Variants in CCSER1 observed in about 807,000 individuals in gnomAD.
CCSER1 encodes serine-rich coiled-coil domain-containing protein 1.
A neutral mutation model predicts 82.0 loss-of-function variants in CCSER1; 41 were observed. The observed-to-expected ratio is 0.50, with a 90% confidence interval of 0.39 to 0.65. The LOEUF (loss-of-function observed/expected upper bound fraction) is 0.65, where lower values mean the gene tolerates loss of function less well. CCSER1 is among the 30% of genes least tolerant of loss of function. The probability of loss-of-function intolerance (pLI) is 0.00; values close to 1 mark genes in which losing one functional copy is unlikely to be tolerated. For synonymous variants in CCSER1, 414 were observed against 383.9 expected (o/e 1.08, Z -0.92); for missense variants, 1,119 against 1,064.2 (o/e 1.05, Z -0.72).
intron 10 of CCSER1, among the ~76,000 whole-genome samples, chr4:91,546,879 A>G (rs1761917456): frequency 6.6e-6 from 1 of 151,770 alleles, no homozygotes; most frequent in Non-Finnish European, 1.5e-5. Context: ...ATGTCCTACT[A>G]AACAATGTTT....
intron 10 of CCSER1, among the ~76,000 whole-genome samples, chr4:91,391,000 A>G (rs895033129): frequency 2.6e-5 from 4 of 151,754 alleles, no homozygotes; most frequent in Non-Finnish European, 5.9e-5. Context: ...GCTTATTGAT[A>G]TTATTGATCT....
At position 91,270,440 on chromosome 4, in the gene CCSER1, AT is replaced by A. The variant is rs201732606; in HGVS notation, c.2217+184455del. 6.0e-5 allele frequency among the ~76,000 whole-genome samples: 9 copies of A among 151,064 alleles called. No individual in the cohort carries two copies. In the East Asian group the frequency reaches 1.4e-3, roughly 23 times the overall value. On this transcript the variant is annotated intron_variant, in intron 10 of 10. Coordinates refer to ENST00000509176, the MANE Select transcript of CCSER1 (RefSeq NM_001145065.2). ...GGAAGGTATTAACAACGTTCATCAC[AT>A]TTTTTTTTGTTCTTTTTAAGGCATT...
At chr4:90,157,857 C>A (rs1450305477) in intron 1 of CCSER1, among the ~76,000 whole-genome samples, 2 of 152,082 alleles carry the variant, frequency 1.3e-5, no homozygotes, top group African/African-American at 2.4e-5. Flanking sequence ...ATTGTCTGAA[C>A]CCTTCTTCTC....
At chr4:90,254,357 G>GT (rs1306173396) in intron 1 of CCSER1, among the ~76,000 whole-genome samples, 1 of 152,148 alleles carries the variant, frequency 6.6e-6, no homozygotes, top group Admixed American at 6.6e-5. Flanking sequence ...TCTCTAATGA[G>GT]TAGAATGCTT....
chr4:91,480,855 T>G (rs1578574158), intron 10 of CCSER1, among the ~76,000 whole-genome samples: 1 of 152,310 alleles, frequency 6.6e-6, no homozygotes, highest in East Asian at 1.9e-4. Context: ...TCTCAATCAC[T>G]ATTGAATTCA....
chr4:90,848,879 C>T (rs1438643480), intron 8 of CCSER1, among the ~76,000 whole-genome samples: 1 of 152,112 alleles, frequency 6.6e-6, no homozygotes, highest in Non-Finnish European at 1.5e-5. Flanking sequence ...CATTTATCAC[C>T]TTTGCTCAAC....
chr4:90,769,117 C>A (rs964495891), intron 7 of CCSER1, among the ~76,000 whole-genome samples: 7 of 152,106 alleles, frequency 4.6e-5, no homozygotes, highest in African/African-American at 1.7e-4. Context: ...CCTCTGTGTC[C>A]TCTGAAACAT....
At chr4:90,915,387 C>T (rs569599491) in intron 8 of CCSER1, among the ~76,000 whole-genome samples, 2 of 152,266 alleles carry the variant, frequency 1.3e-5, no homozygotes, top group East Asian at 3.9e-4. Context: ...CGTAACCCAG[C>T]ATATAAACAG....
rs182595049 is a variant in CCSER1 at position 90,568,872 on chromosome 4, A to G, written c.1725-59153A>G. On this transcript the variant is annotated intron_variant, in intron 5 of 10. Coordinates refer to ENST00000509176, the MANE Select transcript of CCSER1 (RefSeq NM_001145065.2). Reference sequence around the variant, plus strand: ...AACCTCTGTCTCCTGGGATCAAGCAATTCTCCTGCCTCAGCCTCCAAAGTA... The same window carrying G: ...AACCTCTGTCTCCTGGGATCAAGCAGTTCTCCTGCCTCAGCCTCCAAAGTA... 1.2e-3 allele frequency among the ~76,000 whole-genome samples: 183 copies of G among 151,442 alleles called. 3 individuals are homozygous for G. In the East Asian group the frequency reaches 0.028, roughly 23 times the overall value.
intron 1 of CCSER1, among the ~76,000 whole-genome samples, chr4:90,261,161 GT>G (rs34782676): frequency 6.4e-4 from 95 of 147,924 alleles, no homozygotes; most frequent in Non-Finnish European, 9.3e-4. Context: ...TAGATACACT[GT>G]TTTTTTTTTC....
intron 10 of CCSER1, among the ~76,000 whole-genome samples, chr4:91,232,576 A>G (rs985459081): frequency 6.6e-5 from 10 of 151,862 alleles, no homozygotes; most frequent in African/African-American, 2.4e-4. Flanking sequence ...TGGCTGGAGA[A>G]CAGGAATAGG....
intron 5 of CCSER1, among the ~76,000 whole-genome samples, chr4:90,560,163 G>A (rs1229547583): frequency 6.6e-6 from 1 of 152,000 alleles, no homozygotes; most frequent in East Asian, 1.9e-4. Flanking sequence ...TCTTCTGTGG[G>A]AGAGAGGAGA....
intron 10 of CCSER1, among the ~76,000 whole-genome samples, chr4:91,290,274 A>G (rs569338003): frequency 6.6e-6 from 1 of 152,030 alleles, no homozygotes. Context: ...ACTTTGCTTT[A>G]AAAATATTTA....
chr4:90,746,954 T>A (rs770124121), intron 7 of CCSER1, among the ~76,000 whole-genome samples: 3 of 152,172 alleles, frequency 2.0e-5, no homozygotes, highest in African/African-American at 7.2e-5. Flanking sequence ...TTAACTACTG[T>A]ACTCTACTGT....
At position 90,389,667 on chromosome 4, in the gene CCSER1, A is replaced by G. The variant is rs146132248; in HGVS notation, c.1510-10369A>G. The stretch of plus-strand genomic sequence containing the variant: ...GGAGCACAAAGAGTGAGATAGTTAT[A>G]TTTCTCCAGACTTTTCTAGCAGGAA... On this transcript the variant is annotated intron_variant, in intron 3 of 10. Coordinates refer to ENST00000509176, the MANE Select transcript of CCSER1 (RefSeq NM_001145065.2). Among the ~76,000 whole-genome samples the G allele has an allele frequency of 5.2e-3, 795 of 152,216 alleles. 9 individuals are homozygous for G. The highest frequency in any genetic ancestry group is 0.018 in the African/African-American group (761 of 41,530).
At chr4:91,032,656 A>G (rs1741086513) in intron 9 of CCSER1, among the ~76,000 whole-genome samples, 1 of 152,216 alleles carries the variant, frequency 6.6e-6, no homozygotes, top group Non-Finnish European at 1.5e-5. Flanking sequence ...GATTGCAGGA[A>G]ATAGGGAGAT....
At chr4:90,605,152 C>G (rs906429936) in intron 5 of CCSER1, among the ~76,000 whole-genome samples, 1 of 152,146 alleles carries the variant, frequency 6.6e-6, no homozygotes, top group Non-Finnish European at 1.5e-5. Context: ...CACGAACCCC[C>G]CAGAAGGAAG....
chr4:90,943,177 ATT>A (rs1055400760), intron 9 of CCSER1, among the ~76,000 whole-genome samples: 74 of 152,112 alleles, frequency 4.9e-4, no homozygotes, highest in African/African-American at 1.8e-3. Flanking sequence ...TTCTGTGTAC[ATT>A]TTCACTAAAG....
intron 8 of CCSER1, chr4:90,918,249 C>T: frequency 2.2e-6 from 1 of 455,428 alleles, no homozygotes; most frequent in Non-Finnish European, 4.4e-6. Flanking sequence ...CAAACTACTA[C>T]ACGTAGGCCA....
Sources: gnomAD v4.1 joint callset for allele counts (sites outside exome capture counted in the v4.1 genomes callset) on GRCh38, gnomAD v4.1.1 for gene constraint, MANE v1.5 for transcripts, NCBI Gene and HGNC (gene_info 2026-07-23, HGNC 2026-07-21) for gene names.